The following DNAJB6 variants were observed in gnomAD, a reference collection of about 807,000 sequenced individuals.
The protein encoded by DNAJB6 is dnaJ homolog subfamily B member 6.
Under a neutral mutation model 42.7 loss-of-function variants are expected in DNAJB6, and 16 were observed. The ratio of observed to expected loss-of-function variants is 0.37; its 90% CI spans 0.25 to 0.57. The LOEUF (loss-of-function observed/expected upper bound fraction) is 0.57, where lower values mean the gene tolerates loss of function less well. Among genes scored for constraint, DNAJB6 ranks in the 20% least tolerant of loss-of-function variants. The pLI is 0.74. For synonymous variants in DNAJB6, 170 were observed against 163.5 expected, an observed-to-expected ratio of 1.04 and a Z score of -0.30; for missense variants, 347 against 416.8, an observed-to-expected ratio of 0.83 and a Z score of 1.46.
rs1475001643 is a variant in DNAJB6 at position 157,416,688 on chromosome 7, A to C, written c.*590A>C. 1 of 152,272 alleles carries C rather than the reference A, an allele frequency of 6.6e-6. No homozygotes were observed. The highest frequency in any genetic ancestry group is 1.5e-5 in the Non-Finnish European group (1 of 68,102). 9.4% of individuals were successfully genotyped at this position (152,272 alleles called of 1,614,324 possible). The stretch of plus-strand genomic sequence containing the variant: ...TACTCTTTTAATTTTCATCCTTTGC[A>C]GGTAGTGCAAATTCAACTTCAAATA... On this transcript the variant is annotated 3_prime_UTR_variant, in exon 10 of 10. Transcript: ENST00000262177.
chr7:157,351,998 A>AAAAC (rs139390611), intron 1 of DNAJB6, among the ~76,000 whole-genome samples: 57 of 152,136 alleles, frequency 3.7e-4, no homozygotes, highest in Admixed American at 9.8e-4. Context: ...CACTATCTCA[A>AAAAC]AAACAAACAA....
chr7:157,361,722 A>G (rs917651050), intron 2 of DNAJB6, among the ~76,000 whole-genome samples: 4 of 151,586 alleles, frequency 2.6e-5, no homozygotes, highest in African/African-American at 7.3e-5. Context: ...AGGTTTTGCT[A>G]ATTAGACTAG....
At chr7:157,349,418 C>G (rs1255360327) in intron 1 of DNAJB6, among the ~76,000 whole-genome samples, 2 of 152,014 alleles carry the variant, frequency 1.3e-5, no homozygotes, top group African/African-American at 4.8e-5. Context: ...CTCACCTGCC[C>G]AAAGGTAATG....
intron 1 of DNAJB6, among the ~76,000 whole-genome samples, chr7:157,346,878 T>C (rs1798715891): frequency 6.6e-6 from 1 of 152,148 alleles, no homozygotes; most frequent in Non-Finnish European, 1.5e-5. Context: ...TTTCTTGAGA[T>C]GGAGTCTTGC....
At position 157,379,168 on chromosome 7, in the gene DNAJB6, A is replaced by G. The variant is rs558793952; in HGVS notation, c.347-3078A>G. On this transcript the variant is annotated intron_variant, in intron 5 of 9. Transcript: ENST00000262177. Reference sequence around the variant, plus strand: ...TTTGAGGTAGCTTCTGTAGATGATGATATAATTATGAATGTCATTGTCTTA... The same window carrying G: ...TTTGAGGTAGCTTCTGTAGATGATGGTATAATTATGAATGTCATTGTCTTA... 1.1e-3 allele frequency: 166 copies of G among 152,300 alleles called. 1 individual carries two copies. Among genetic ancestry groups the G allele is most frequent in the African/African-American group, 3.9e-3 (162 of 41,562 alleles). 9.4% of individuals were successfully genotyped at this position (152,300 alleles called of 1,614,324 possible).
At chr7:157,357,714 T>G (rs1043493541) in intron 1 of DNAJB6, among the ~76,000 whole-genome samples, 5 of 152,176 alleles carry the variant, frequency 3.3e-5, no homozygotes, top group Admixed American at 1.3e-4. Flanking sequence ...GTGTGCGTAG[T>G]TCCTCCTTGT....
chr7:157,382,817 C>T (rs3802088), intron 6 of DNAJB6: 62,305 of 152,790 alleles, frequency 0.41, 14,157 homozygotes, highest in Middle Eastern at 0.55. Flanking sequence ...AGGCCAGGCT[C>T]ACTCACTAGT....
At chr7:157,374,676 C>CG in intron 5 of DNAJB6, among the ~76,000 whole-genome samples, 1 of 152,328 alleles carries the variant, frequency 6.6e-6, no homozygotes, top group South Asian at 2.1e-4. Context: ...TTTGTTTCCT[C>CG]TGACGTCCTC....
chr7:157,355,418 C>A (rs1340329894), intron 1 of DNAJB6, among the ~76,000 whole-genome samples: 5 of 152,206 alleles, frequency 3.3e-5, no homozygotes, highest in Non-Finnish European at 7.3e-5. Context: ...CCTCGGCCTC[C>A]CAAAGTGGTG....
At chr7:157,404,137 T>C (rs1795656545) in intron 8 of DNAJB6, among the ~76,000 whole-genome samples, 1 of 150,956 alleles carries the variant, frequency 6.6e-6, no homozygotes, top group South Asian at 2.1e-4. Context: ...TGGCTAATTT[T>C]TTCTTTTTTT....
At chr7:157,383,427 C>T (rs1800887414) in intron 6 of DNAJB6, among the ~76,000 whole-genome samples, 1 of 152,146 alleles carries the variant, frequency 6.6e-6, no homozygotes. Context: ...TTGAACATTG[C>T]GCTCATGCCA....
intron 1 of DNAJB6, among the ~76,000 whole-genome samples, chr7:157,356,055 T>C (rs1372658095): frequency 3.9e-5 from 6 of 152,232 alleles, no homozygotes; most frequent in Admixed American, 6.5e-5. Context: ...TGCGAGGGCA[T>C]GTGTGCTTGG....
chr7:157,365,317 T>C lies in DNAJB6; in HGVS notation c.176-1185T>C, dbSNP rs142160553. ...GAAGTACCAGTGCTTCTAATGTCAT[T>C]GTTTTTGTTCTGGGATATAAGTAGC... On this transcript the variant is annotated intron_variant, in intron 3 of 9. Transcript: ENST00000262177. Among the ~76,000 whole-genome samples, 560 of 152,354 alleles carry C rather than the reference T, an allele frequency of 3.7e-3. 4 individuals carry two copies. The highest frequency in any genetic ancestry group is 5.7e-3 in the Non-Finnish European group (388 of 68,038).
intron 8 of DNAJB6, among the ~76,000 whole-genome samples, chr7:157,405,165 T>G (rs1433611789): frequency 1.3e-5 from 2 of 152,090 alleles, no homozygotes; most frequent in Non-Finnish European, 2.9e-5. Context: ...ATGGCAGAGA[T>G]AAGAAGGTGA....
chr7:157,371,245 C>G (rs1054998282), intron 5 of DNAJB6, among the ~76,000 whole-genome samples: 1 of 152,222 alleles, frequency 6.6e-6, no homozygotes. Context: ...CCGCTGTTGA[C>G]AAATCATATT....
intron 5 of DNAJB6, among the ~76,000 whole-genome samples, chr7:157,368,192 T>C (rs1799936432): frequency 6.6e-6 from 1 of 152,218 alleles, no homozygotes; most frequent in African/African-American, 2.4e-5. Context: ...GCTTGAAAAA[T>C]TAAAATAATA....
At chr7:157,404,651 C>A (rs371570892) in intron 8 of DNAJB6, among the ~76,000 whole-genome samples, 1 of 151,834 alleles carries the variant, frequency 6.6e-6, no homozygotes, top group Non-Finnish European at 1.5e-5. Context: ...ACTGGGACTA[C>A]AGGCACACGC....
At chr7:157,405,202 A>G (rs1795718770) in intron 8 of DNAJB6, among the ~76,000 whole-genome samples, 1 of 152,160 alleles carries the variant, frequency 6.6e-6, no homozygotes, top group African/African-American at 2.4e-5. Context: ...TGAATCATAC[A>G]AGGACGTGTT....
chr7:157,355,467 C>CTGT (rs2116930345), intron 1 of DNAJB6, among the ~76,000 whole-genome samples: 1 of 152,324 alleles, frequency 6.6e-6, no homozygotes, highest in South Asian at 2.1e-4. Context: ...GCCAGCATTC[C>CTGT]CGTGGTTTCT....
Sources: allele counts gnomAD v4.1 joint callset (sites outside exome capture counted in the v4.1 genomes callset), GRCh38; gene constraint gnomAD v4.1.1; transcripts MANE v1.5; gene names NCBI Gene and HGNC (gene_info 2026-07-23, HGNC 2026-07-21).